The following GALNT13 variants were observed in gnomAD, a reference collection of about 807,000 sequenced individuals.
The protein encoded by GALNT13 is UDP-GalNAc:polypeptide N-acetylgalactosaminyltransferase 13.
GALNT13 carries 28 observed loss-of-function variants against 64.2 expected under a neutral mutation model. The observed-to-expected ratio is 0.44, with a 90% CI of 0.32 to 0.60. The LOEUF is 0.60. Ranked by LOEUF, GALNT13 falls within the 20% of genes least tolerant of loss-of-function variation. The pLI, the probability that GALNT13 is intolerant of heterozygous loss-of-function variation, is 0.05. For synonymous variants in GALNT13, 214 were observed against 224.6 expected (o/e 0.95, Z 0.42); for missense variants, 577 against 669.8 (o/e 0.86, Z 1.53).
the GALNT13 span, among the ~76,000 whole-genome samples, chr2:153,376,554 T>C: frequency 1.3e-5 from 2 of 152,116 alleles, no homozygotes; most frequent in Non-Finnish European, 2.9e-5. Context: ...TAAAGAGGAA[T>C]GCATGGGTTG....
At chr2:153,802,390 A>G in the GALNT13 span, among the ~76,000 whole-genome samples, 1 of 152,152 alleles carries the variant, frequency 6.6e-6, no homozygotes, top group Admixed American at 6.5e-5. Flanking sequence ...ATTTTAGGAT[A>G]TTTGGTTTGG....
At chr2:153,507,786 A>C in the GALNT13 span, among the ~76,000 whole-genome samples, 1 of 152,056 alleles carries the variant, frequency 6.6e-6, no homozygotes, top group African/African-American at 2.4e-5. Context: ...GTTCCTTCTC[A>C]TTTGGGTGGA....
At chr2:154,034,340 A>C (rs918819556) in intron 3 of GALNT13, among the ~76,000 whole-genome samples, 1 of 152,196 alleles carries the variant, frequency 6.6e-6, no homozygotes, top group Non-Finnish European at 1.5e-5. Context: ...ACATTTTTCC[A>C]TTTATATGAC....
At chr2:153,976,242 A>G (rs1228147438) in intron 3 of GALNT13, among the ~76,000 whole-genome samples, 3 of 151,714 alleles carry the variant, frequency 2.0e-5, no homozygotes, top group Non-Finnish European at 4.4e-5. Flanking sequence ...CTGGAACATA[A>G]TGGGTACTCA....
chr2:154,087,876 A>C (rs7568482), intron 3 of GALNT13, among the ~76,000 whole-genome samples: 12,702 of 152,146 alleles, frequency 0.083, 904 homozygotes, highest in African/African-American at 0.19. Context: ...TATAAGGTTT[A>C]ACACAATTAT....
At chr2:153,329,953 A>AC in the GALNT13 span, among the ~76,000 whole-genome samples, 3 of 152,148 alleles carry the variant, frequency 2.0e-5, no homozygotes, top group Admixed American at 6.6e-5. Flanking sequence ...TAATTTTTCT[A>AC]TATAGTGAAA....
chr2:153,736,178 C>T, the GALNT13 span, among the ~76,000 whole-genome samples: 1 of 152,280 alleles, frequency 6.6e-6, no homozygotes, highest in African/African-American at 2.4e-5. Flanking sequence ...TAGATAAAAG[C>T]TTTGCTTCCT....
At chr2:153,954,591 ATAAT>A (rs1159536498) in intron 3 of GALNT13, among the ~76,000 whole-genome samples, 2 of 150,392 alleles carry the variant, frequency 1.3e-5, no homozygotes, top group African/African-American at 2.4e-5. Context: ...ATTTTAATAA[ATAAT>A]TATAGTTACT....
the GALNT13 span, among the ~76,000 whole-genome samples, chr2:153,303,937 C>T: frequency 1.2e-4 from 18 of 152,036 alleles, no homozygotes; most frequent in South Asian, 2.7e-3. Flanking sequence ...CAGACATTGC[C>T]GGTGAGTACA....
chr2:153,573,628 A>T, the GALNT13 span, among the ~76,000 whole-genome samples: 8 of 152,044 alleles, frequency 5.3e-5, no homozygotes, highest in Non-Finnish European at 1.0e-4. Context: ...TGAGGTTGCC[A>T]TGAGGCTTTC....
At chr2:154,114,519 A>G (rs1317536961) in intron 3 of GALNT13, among the ~76,000 whole-genome samples, 1 of 152,158 alleles carries the variant, frequency 6.6e-6, no homozygotes, top group Non-Finnish European at 1.5e-5. Flanking sequence ...CTCTTTCACC[A>G]GAAGTCTCCT....
chr2:154,228,375 C>T (rs571045960), intron 4 of GALNT13, among the ~76,000 whole-genome samples: 1 of 152,240 alleles, frequency 6.6e-6, no homozygotes, highest in Admixed American at 6.6e-5. Flanking sequence ...GCACTGTGAT[C>T]CATGAACTGA....
chr2:153,561,732 G>A, the GALNT13 span, among the ~76,000 whole-genome samples: 1 of 151,124 alleles, frequency 6.6e-6, no homozygotes, highest in East Asian at 2.0e-4. Context: ...TACAATTGAA[G>A]ATGCTAGGTA....
the GALNT13 span, among the ~76,000 whole-genome samples, chr2:153,444,676 A>G: frequency 6.6e-5 from 10 of 152,250 alleles, no homozygotes; most frequent in African/African-American, 2.4e-4. Context: ...TTGGCATATC[A>G]TATAAATGAA....
At chr2:153,355,764 A>G in the GALNT13 span, among the ~76,000 whole-genome samples, 1 of 152,232 alleles carries the variant, frequency 6.6e-6, no homozygotes, top group Admixed American at 6.5e-5. Context: ...TATAATGCCT[A>G]CAAGGTTTTC....
chr2:153,404,508 C>G, the GALNT13 span, among the ~76,000 whole-genome samples: 1 of 143,920 alleles, frequency 6.9e-6, no homozygotes, highest in South Asian at 2.2e-4. Flanking sequence ...TGATTTTTTT[C>G]AAAAGATTTT....
chr2:153,931,460 A>G (rs765949030), intron 2 of GALNT13, among the ~76,000 whole-genome samples: 5 of 151,578 alleles, frequency 3.3e-5, no homozygotes, highest in Non-Finnish European at 7.4e-5. Flanking sequence ...TTGCCTATTC[A>G]GTATGGTGTT....
At chr2:153,920,763 G>C (rs1233070837) in intron 2 of GALNT13, among the ~76,000 whole-genome samples, 1 of 151,954 alleles carries the variant, frequency 6.6e-6, no homozygotes, top group African/African-American at 2.4e-5. Context: ...CAGAATCTTT[G>C]AGGAACTTAA....
At chr2:153,127,172 G>A in the GALNT13 span, among the ~76,000 whole-genome samples, 2 of 152,038 alleles carry the variant, frequency 1.3e-5, no homozygotes, top group Non-Finnish European at 2.9e-5. Context: ...GTCTTTGCTG[G>A]TAATGCAATA....
Sources: allele counts gnomAD v4.1 joint callset (sites outside exome capture counted in the v4.1 genomes callset), GRCh38; gene constraint gnomAD v4.1.1; transcripts MANE v1.5; gene names NCBI Gene and HGNC (gene_info 2026-07-23, HGNC 2026-07-21).